The following FBH1 variants were observed in gnomAD, a reference collection of about 807,000 sequenced individuals.
The protein encoded by FBH1 is DNA 3'-5' helicase 1.
In FBH1, 43 loss-of-function variants were observed where a neutral mutation model predicts 115.5. The observed-to-expected ratio is 0.37, with a 90% CI of 0.29 to 0.48. The LOEUF (loss-of-function observed/expected upper bound fraction) is 0.48, where lower values mean the gene tolerates loss of function less well. Among genes scored for constraint, FBH1 ranks in the 20% least tolerant of loss-of-function variants. FBH1 has a pLI of 0.99. For synonymous variants in FBH1, 524 were observed against 507.8 expected, an observed-to-expected ratio of 1.03 and a Z score of -0.43; for missense variants, 1,001 against 1,337.3, an observed-to-expected ratio of 0.75 and a Z score of 3.92.
Position 5,918,276 on chromosome 10 carries a change from C to T in FBH1, c.1964-66C>T. On this transcript the variant is annotated intron_variant, in intron 12 of 20. Transcript: ENST00000362091. The surrounding 1 kb of genome is among the most constrained non-coding windows in gnomAD (Gnocchi z 4.0). ...CTTAGCTTCGTGGAAGTGTTTTTGT[C>T]CTTTTCTTTTTGCTGCCTGGGGTGG... 1 of 1,582,556 alleles carries T rather than the reference C, an allele frequency of 6.3e-7. No individual in the cohort carries two copies. Among genetic ancestry groups the T allele is most frequent in the African/African-American group, 1.4e-5 (1 of 72,528 alleles).
chr10:5,911,060 C>G lies in FBH1; in HGVS notation c.1143C>G (p.Thr381=). ...CCACGGTGACCATGCCAGATGTCAC[C>G]GAGACCCTGTACTGCATAGCCGTGC... ...PSSTVTMPDV[T]ETLYCIAVLL... is the part of the protein sequence containing the mutation. The change falls in exon 6 of 21, where the codon ACC becomes ACG. Residue 381 remains threonine, a synonymous_variant. Transcript: ENST00000362091. This position sits in a 1 kb window ranked among gnomAD's most constrained non-coding sequence, Gnocchi z 5.4. 1 of 1,613,388 alleles carries G rather than the reference C, an allele frequency of 6.2e-7. No homozygotes were observed. Among genetic ancestry groups the G allele is most frequent in the Non-Finnish European group, 8.5e-7 (1 of 1,180,016 alleles).
chr10:5,936,742 G>A lies in FBH1; in HGVS notation c.2961+155G>A. The A allele has an allele frequency of 1.0e-6, 1 of 998,542 alleles. No homozygotes were observed. The highest frequency in any genetic ancestry group is 1.5e-6 in the Non-Finnish European group (1 of 687,040). 61.9% of individuals were successfully genotyped at this position (998,542 alleles called of 1,614,324 possible). ...GAGAGGCACAAGAGGTGTGTGGTCT[G>A]TCCCAGGGTCAGAGGTCAGGGCACG... On this transcript the variant is annotated intron_variant, in intron 20 of 20. Transcript: ENST00000362091. This position sits in a 1 kb window ranked among gnomAD's most constrained non-coding sequence, Gnocchi z 5.6.
intron 1 of FBH1, among the ~76,000 whole-genome samples, chr10:5,896,644 A>G (rs1843020621): frequency 6.6e-6 from 1 of 152,134 alleles, no homozygotes; most frequent in Non-Finnish European, 1.5e-5. Flanking sequence ...TTTGGTGTGT[A>G]GGAGACCAAT....
intron 1 of FBH1, chr10:5,894,335 A>C: frequency 6.5e-7 from 1 of 1,547,026 alleles, no homozygotes; most frequent in Non-Finnish European, 8.7e-7. Flanking sequence ...GACATTTCAC[A>C]ATGATTTTAA....
Position 5,909,118 on chromosome 10 carries a change from T to A in FBH1, c.885-41T>A. ...AGTCTTCCTTGTACATCAGTGCTTA[T>A]GGTCACCCTACTCATGGCCTCTCCT... On this transcript the variant is annotated intron_variant, in intron 4 of 20. Transcript: ENST00000362091. This position sits in a 1 kb window ranked among gnomAD's most constrained non-coding sequence, Gnocchi z 4.4. The A allele has an allele frequency of 6.2e-7, 1 of 1,613,528 alleles. No homozygotes were observed. The highest frequency in any genetic ancestry group is 8.5e-7 in the Non-Finnish European group (1 of 1,179,812).
chr10:5,937,032 A>G (rs140911607), intron 20 of FBH1, 78 bp from the exon 21 acceptor site: 21 of 1,476,570 alleles, frequency 1.4e-5, no homozygotes, highest in Middle Eastern at 1.9e-4. Flanking sequence ...AGCTGTGATG[A>G]TAACTCCATG....
chr10:5,894,004 C>T lies in FBH1; in HGVS notation c.1+3658C>T, dbSNP rs1842876101. 4.1e-6 allele frequency: 4 copies of T among 985,408 alleles called. No homozygotes were observed. In the South Asian group the frequency reaches 1.9e-4, roughly 46 times the overall value. 61.0% of individuals were successfully genotyped at this position (985,408 alleles called of 1,614,324 possible). A position where few individuals can be genotyped will look rare whatever the true frequency, so the allele number is the denominator to read the frequency against. On this transcript the variant is annotated intron_variant, in intron 1 of 20. Transcript: ENST00000362091. ...AAAACATAGAACGGAAAGCCCAGCC[C>T]ATCCTTGTTGGCTGTCATACACGAG...
At position 5,913,456 on chromosome 10, in the gene FBH1, T is replaced by C. The variant is rs1831734690; in HGVS notation, c.1212-291T>C. On this transcript the variant is annotated intron_variant, in intron 6 of 20. Coordinates refer to ENST00000362091, the MANE Select transcript of FBH1 (RefSeq NM_178150.3). The surrounding 1 kb of genome is among the most constrained non-coding windows in gnomAD (Gnocchi z 4.4). ...TGGTCCTTACAGTTTTTCAGGTTGT[T>C]TGTCTCTTCAAGTCACAGCTGGCGC... Among the ~76,000 whole-genome samples the C allele has an allele frequency of 6.6e-6, 1 of 152,156 alleles. No homozygotes were observed. Among genetic ancestry groups the C allele is most frequent in the Non-Finnish European group, 1.5e-5 (1 of 68,022 alleles).
rs79917461 is a variant in FBH1 at position 5,910,586 on chromosome 10, G to A, written c.1021-352G>A. Among the ~76,000 whole-genome samples the A allele has an allele frequency of 0.035, 5,275 of 152,250 alleles. 166 individuals are homozygous for A. The highest frequency in any genetic ancestry group is 0.14 in the East Asian group (701 of 5,162). On this transcript the variant is annotated intron_variant, in intron 5 of 20. Transcript: ENST00000362091. The surrounding 1 kb of genome is among the most constrained non-coding windows in gnomAD (Gnocchi z 4.8). Reference sequence around the variant, plus strand: ...GGCTGTTTTGCTCTGGCCCTGCCAAGCACATATGGACCTGAGAGCCCCCAT... The same window carrying A: ...GGCTGTTTTGCTCTGGCCCTGCCAAACACATATGGACCTGAGAGCCCCCAT...
intron 1 of FBH1, among the ~76,000 whole-genome samples, chr10:5,901,825 A>G (rs1268042172): frequency 1.3e-5 from 2 of 152,108 alleles, no homozygotes; most frequent in African/African-American, 4.8e-5. Flanking sequence ...TGGCCTCTCA[A>G]AGTGCTGGGA....
rs1233753035 is a variant in FBH1, at chr10:5,925,685, A to G, written c.2722+193A>G. Among the ~76,000 whole-genome samples the G allele has an allele frequency of 6.6e-6, 1 of 152,166 alleles. No homozygotes were observed. Among genetic ancestry groups the G allele is most frequent in the Non-Finnish European group, 1.5e-5 (1 of 68,028 alleles). On this transcript the variant is annotated intron_variant, in intron 18 of 20. Coordinates refer to ENST00000362091, the MANE Select transcript of FBH1 (RefSeq NM_178150.3). This position sits in a 1 kb window ranked among gnomAD's most constrained non-coding sequence, Gnocchi z 4.6. ...ATACTGTGGTTTTTTAAAAAACAAAACTTCCTCAAGGTGCACCCCTCTGGG... is the reference window on the plus strand; with the variant it reads ...ATACTGTGGTTTTTTAAAAAACAAAGCTTCCTCAAGGTGCACCCCTCTGGG...
In FBH1 at chr10:5,924,189, A is replaced by C; in HGVS notation, c.2399-122A>C. The C allele has an allele frequency of 1.1e-6, 1 of 889,686 alleles. No individual in the cohort carries two copies. Among genetic ancestry groups the C allele is most frequent in the Non-Finnish European group, 1.7e-6 (1 of 572,846 alleles). The allele number at this position is 889,686 out of a possible 1,614,324, so 55.1% of individuals were successfully genotyped here. On this transcript the variant is annotated intron_variant, in intron 16 of 20. Transcript: ENST00000362091. The surrounding 1 kb of genome is among the most constrained non-coding windows in gnomAD (Gnocchi z 6.2). ...GAGTTAGTGATGCAGTCAGGCCTGG[A>C]ACCCGGGTCTCCCCACTTTAAGACC...
Position 5,924,082 on chromosome 10 carries a change from G to C in FBH1, c.2399-229G>C. 1 of 590,142 alleles carries C rather than the reference G, an allele frequency of 1.7e-6. No homozygotes were observed. Among genetic ancestry groups the C allele is most frequent in the East Asian group, 2.8e-5 (1 of 35,656 alleles). The allele number at this position is 590,142 out of a possible 1,614,324, so 36.6% of individuals were successfully genotyped here. A position where few individuals can be genotyped will look rare whatever the true frequency, so the allele number is the denominator to read the frequency against. On this transcript the variant is annotated intron_variant, in intron 16 of 20. Transcript: ENST00000362091. This position sits in a 1 kb window ranked among gnomAD's most constrained non-coding sequence, Gnocchi z 6.2. The stretch of plus-strand genomic sequence containing the variant: ...TTTCAAATCCCTGTGAAGTAGGTGA[G>C]GATCTTGAGCCGAGGGCTTTGCTCC...
At chr10:5,894,025 A>G in intron 1 of FBH1, 1 of 985,428 alleles carries the variant, frequency 1.0e-6, no homozygotes, top group African/African-American at 1.7e-5. Flanking sequence ...GCTGTCATAC[A>G]CGAGTGCTGT....
chr10:5,927,609 G>T, intron 19 of FBH1, 68 bp downstream of exon 19: 2 of 1,286,734 alleles, frequency 1.6e-6, no homozygotes, highest in South Asian at 2.7e-5. Context: ...TTGAGGGGCT[G>T]ACCTGGAGCC....
Position 5,925,261 on chromosome 10 carries a change from C to A in FBH1, c.2597-106C>A, listed in dbSNP as rs1832574834. On this transcript the variant is annotated intron_variant, in intron 17 of 20. Transcript: ENST00000362091. This position sits in a 1 kb window ranked among gnomAD's most constrained non-coding sequence, Gnocchi z 4.6. ...CTTTTCCTACAAAACTGCACTGAGG[C>A]AAGAAATGTTCGAGTTCAGAGTCAA... 4 of 1,409,068 alleles carry A rather than the reference C, an allele frequency of 2.8e-6. No individual in the cohort carries two copies. The East Asian group carries it at 7.1e-5, about 25-fold the overall frequency. 87.3% of individuals were successfully genotyped at this position (1,409,068 alleles called of 1,614,324 possible). A position where few individuals can be genotyped will look rare whatever the true frequency, so the allele number is the denominator to read the frequency against.
At chr10:5,929,160 A>G (rs1832828241) in intron 19 of FBH1, among the ~76,000 whole-genome samples, 1 of 152,206 alleles carries the variant, frequency 6.6e-6, no homozygotes, top group African/African-American at 2.4e-5. Flanking sequence ...TGGGCAGGGA[A>G]ATTCCTGCCC....
rs1016811678 is a variant in FBH1, at chr10:5,911,492, G to A, written c.1211+364G>A. On this transcript the variant is annotated intron_variant, in intron 6 of 20. Transcript: ENST00000362091. The surrounding 1 kb of genome is among the most constrained non-coding windows in gnomAD (Gnocchi z 5.4). ...CTACTTCCTCCATATCCCACTTGTGGGATGGAAAAGACTCATCCACCTTAT... is the reference window on the plus strand; with the variant it reads ...CTACTTCCTCCATATCCCACTTGTGAGATGGAAAAGACTCATCCACCTTAT... Among the ~76,000 whole-genome samples the A allele has an allele frequency of 2.0e-5, 3 of 152,212 alleles. No individual in the cohort carries two copies. Among genetic ancestry groups the A allele is most frequent in the African/African-American group, 7.2e-5 (3 of 41,450 alleles).
chr10:5,890,297 G>C lies in FBH1; in HGVS notation c.-49G>C. On this transcript the variant is annotated 5_prime_UTR_variant, in exon 1 of 21. Coordinates refer to ENST00000362091, the MANE Select transcript of FBH1 (RefSeq NM_178150.3). ...GGGGACGCTGGGCTGAGCGGCCGGC[G>C]GCGCGGGCCCGGCGGCGGCGGCAGC... The C allele has an allele frequency of 2.7e-6, 1 of 374,572 alleles. No individual in the cohort carries two copies. The highest frequency in any genetic ancestry group is 5.0e-6 in the Non-Finnish European group (1 of 201,190). 23.2% of individuals were successfully genotyped at this position (374,572 alleles called of 1,614,324 possible).
Sources: allele counts gnomAD v4.1 joint callset (sites outside exome capture counted in the v4.1 genomes callset), GRCh38; gene constraint gnomAD v4.1.1; non-coding constraint Gnocchi (gnomAD v3.1); transcripts MANE v1.5; gene names NCBI Gene and HGNC (gene_info 2026-07-23, HGNC 2026-07-21).